The following RFX7 variants were observed in gnomAD, a reference collection of about 807,000 sequenced individuals.
RFX7 encodes the protein regulatory factor X7, also known as DNA-binding protein RFX7.
RFX7 carries 26 observed loss-of-function variants against 111.8 expected under a neutral mutation model. That is an observed-to-expected ratio of 0.23 (90% CI 0.17 to 0.32). The LOEUF (loss-of-function observed/expected upper bound fraction) is 0.32. Ranked by LOEUF, RFX7 falls within the 10% of genes least tolerant of loss-of-function variation. The pLI, the probability that RFX7 is intolerant of heterozygous loss-of-function variation, is 1.00. For missense variants in RFX7, 1,573 were observed against 1,772.9 expected (o/e 0.89, Z 2.02); for synonymous variants, 624 against 624.4 (o/e 1.00, Z 0.01).
chr15:56,093,369 A>C lies in RFX7; in HGVS notation c.4359T>G (p.His1453Gln). Residue 1453 changes from histidine to glutamine, a missense_variant, in exon 10 of 10, where the codon CAT becomes CAG. Physicochemically the swap from His to Gln is conservative, Grantham distance 24. Coordinates refer to ENST00000559447, the MANE Select transcript of RFX7 (RefSeq NM_022841.7). The stretch of plus-strand genomic sequence containing the variant: ...TTTAACCCAACATTTCAACAGTAGG[A>C]TGGTCCTTGCTTTCTATCCATTCAA... The part of the protein sequence containing the change: ...SGFEWIESKD[H>Q]PTVEMLG 3 of 1,611,898 alleles carry C rather than the reference A, an allele frequency of 1.9e-6. No homozygotes were observed. The highest frequency in any genetic ancestry group is 2.5e-6 in the Non-Finnish European group (3 of 1,178,848).
intron 5 of RFX7, among the ~76,000 whole-genome samples, chr15:56,140,234 T>G (rs2042371203): frequency 6.6e-6 from 1 of 152,188 alleles, no homozygotes; most frequent in East Asian, 1.9e-4. Context: ...GCCTTGCAGT[T>G]TGATCTCAGA....
Position 56,095,365 on chromosome 15 carries a change from T to A in RFX7, c.2363A>T (p.Asp788Val). 1.2e-6 allele frequency: 2 copies of A among 1,613,852 alleles called. No individual in the cohort carries two copies. Among genetic ancestry groups the A allele is most frequent in the Non-Finnish European group, 1.7e-6 (2 of 1,179,854 alleles). ...ACAACTGGCAGATATAAACTCAGAA[T>A]CTTTAGTGATTTGTTGCCATCCATT... is the stretch of plus-strand genomic sequence containing the variant. ...NPNGWQQITK[D>V]SEFISASCEQ... Residue 788 changes from aspartate to valine, a missense_variant, in exon 10 of 10, where the codon GAT (aspartate) becomes GTT (valine). This residue lies in a region of RFX7 where 625 missense variants were observed against 632.2 expected (regional missense o/e 0.99). Transcript: ENST00000559447.
intron 2 of RFX7, among the ~76,000 whole-genome samples, chr15:56,235,786 C>G (rs1216850273): frequency 2.0e-5 from 3 of 152,166 alleles, no homozygotes; most frequent in Admixed American, 1.3e-4. Flanking sequence ...ATTTGCTAAT[C>G]CCGTGTTGGA....
intron 3 of RFX7, among the ~76,000 whole-genome samples, chr15:56,158,932 G>T (rs2042686703): frequency 6.6e-6 from 1 of 152,136 alleles, no homozygotes. Context: ...GGGCACTACA[G>T]CTTATTCTTC....
chr15:56,226,868 T>C (rs1217819790), intron 2 of RFX7, among the ~76,000 whole-genome samples: 3 of 152,058 alleles, frequency 2.0e-5, no homozygotes, highest in Non-Finnish European at 4.4e-5. Flanking sequence ...CAAAGAAAGG[T>C]AGCACCCAAA....
intron 2 of RFX7, among the ~76,000 whole-genome samples, chr15:56,238,925 C>T (rs1293309478): frequency 6.6e-6 from 1 of 152,156 alleles, no homozygotes; most frequent in African/African-American, 2.4e-5. Flanking sequence ...CCTCCACCTC[C>T]TGGGTTCAAG....
Position 56,102,171 on chromosome 15 carries a change from C to T in RFX7, c.601G>A (p.Gly201Arg), listed in dbSNP as rs2041762554. The T allele has an allele frequency of 1.2e-6, 2 of 1,606,810 alleles. No individual in the cohort carries two copies. The highest frequency in any genetic ancestry group is 8.5e-7 in the Non-Finnish European group (1 of 1,175,150). The change falls in exon 7 of 10, where the codon GGG (glycine) becomes AGG (arginine). Residue 201 changes from glycine to arginine, a missense_variant and splice_region_variant. Transcript: ENST00000559447. Reference protein sequence around the residue: ...PNLDFHKTGDGLEGAEPSGQL... With the variant: ...PNLDFHKTGDRLEGAEPSGQL... ...AAAAGAAAAGGCTGAATTCTTACCC[C>T]ATCTCCAGTTTTGTGAAAGTCAAGG... is the stretch of plus-strand genomic sequence containing the variant.
intron 5 of RFX7, among the ~76,000 whole-genome samples, chr15:56,123,360 T>C (rs112805400): frequency 1.3e-5 from 2 of 152,144 alleles, no homozygotes; most frequent in Non-Finnish European, 2.9e-5. Context: ...GAAATGTCAT[T>C]TGGGAGCTAG....
Position 56,087,625 on chromosome 15 carries a change from T to C in RFX7, c.*5720A>G. The C allele has an allele frequency of 2.2e-6, 1 of 450,868 alleles. No homozygotes were observed. The highest frequency in any genetic ancestry group is 4.5e-6 in the Non-Finnish European group (1 of 223,486). 27.9% of individuals were successfully genotyped at this position (450,868 alleles called of 1,614,324 possible). ...GCAGCCTTTTGGTCAGATGGCTGTGTGCTCAGCTAAAAATCAAGGACTTTT... is the reference window on the plus strand; with the variant it reads ...GCAGCCTTTTGGTCAGATGGCTGTGCGCTCAGCTAAAAATCAAGGACTTTT... On this transcript the variant is annotated 3_prime_UTR_variant, in exon 10 of 10. Coordinates refer to ENST00000559447, the MANE Select transcript of RFX7 (RefSeq NM_022841.7).
At chr15:56,235,469 A>G (rs1264386714) in intron 2 of RFX7, among the ~76,000 whole-genome samples, 1 of 152,110 alleles carries the variant, frequency 6.6e-6, no homozygotes. Flanking sequence ...CTACTTGACA[A>G]TACAGGTGCT....
chr15:56,165,108 A>G (rs1159472600), intron 3 of RFX7, among the ~76,000 whole-genome samples: 1 of 152,118 alleles, frequency 6.6e-6, no homozygotes, highest in Non-Finnish European at 1.5e-5. Context: ...TCAGGTCACA[A>G]TAGGGTTTGT....
chr15:56,168,256 A>T (rs929623741), intron 3 of RFX7, among the ~76,000 whole-genome samples: 1 of 152,212 alleles, frequency 6.6e-6, no homozygotes, highest in Non-Finnish European at 1.5e-5. Flanking sequence ...TGTCTGCCTC[A>T]TAGTAATTAA....
In RFX7 at chr15:56,121,271, A is replaced by G. The variant is rs570515055; in HGVS notation, c.402-17601T>C. Among the ~76,000 whole-genome samples, 3 of 152,294 alleles carry G rather than the reference A, an allele frequency of 2.0e-5. No homozygotes were observed. In the South Asian group the frequency reaches 6.2e-4, roughly 32 times the overall value. ...ACTGGGTATACTATTCTAGGGTAAA[A>G]TATTTTTCCCTTCAGCACTTCAGAT... On this transcript the variant is annotated intron_variant, in intron 5 of 9. Coordinates refer to ENST00000559447, the MANE Select transcript of RFX7 (RefSeq NM_022841.7).
In RFX7 at chr15:56,090,674, C is replaced by T. The variant is rs2041585362; in HGVS notation, c.*2671G>A. The T allele has an allele frequency of 6.6e-6, 1 of 152,526 alleles. No homozygotes were observed. Among genetic ancestry groups the T allele is most frequent in the Non-Finnish European group, 1.5e-5 (1 of 68,002 alleles). 9.4% of individuals were successfully genotyped at this position (152,526 alleles called of 1,614,324 possible). Reference sequence around the variant, plus strand: ...TCAGCAGGTACAACAGACAACAAAACACTGGGGAAATCTGACTTTTTGCAC... The same window carrying T: ...TCAGCAGGTACAACAGACAACAAAATACTGGGGAAATCTGACTTTTTGCAC... On this transcript the variant is annotated 3_prime_UTR_variant, in exon 10 of 10. Transcript: ENST00000559447.
In RFX7 at chr15:56,088,454, T is replaced by C. The variant is rs964449107; in HGVS notation, c.*4891A>G. On this transcript the variant is annotated 3_prime_UTR_variant, in exon 10 of 10. Transcript: ENST00000559447. ...AGTAATATCACTCTCATGATATATT[T>C]TATTTATATGACTCTCTTCTCCTCT... 8 of 152,190 alleles carry C rather than the reference T, an allele frequency of 5.3e-5. No individual in the cohort carries two copies. Among genetic ancestry groups the C allele is most frequent in the African/African-American group, 1.9e-4 (8 of 41,454 alleles). 9.4% of individuals were successfully genotyped at this position (152,190 alleles called of 1,614,324 possible).
chr15:56,135,854 A>G (rs2042294436), intron 5 of RFX7, among the ~76,000 whole-genome samples: 2 of 151,966 alleles, frequency 1.3e-5, no homozygotes. Flanking sequence ...TTTTCCCAGT[A>G]CCATTTATTA....
intron 2 of RFX7, among the ~76,000 whole-genome samples, chr15:56,231,970 C>G (rs1389714948): frequency 6.6e-6 from 1 of 152,212 alleles, no homozygotes; most frequent in African/African-American, 2.4e-5. Flanking sequence ...GTCTCACATC[C>G]AGGTCACACT....
intron 2 of RFX7, among the ~76,000 whole-genome samples, chr15:56,239,984 C>CT (rs5812831): frequency 0.33 from 39,546 of 120,128 alleles, 7,006 homozygotes; most frequent in Non-Finnish European, 0.41. Context: ...TTTGGTATTT[C>CT]TTTTTTTTTT....
chr15:56,112,713 ACAAC>A (rs1436824535), intron 5 of RFX7, among the ~76,000 whole-genome samples: 7 of 152,202 alleles, frequency 4.6e-5, no homozygotes, highest in Admixed American at 1.3e-4. Context: ...GAGCGAACAG[ACAAC>A]CAACCTATAG....
Sources: gnomAD v4.1 joint callset for allele counts (sites outside exome capture counted in the v4.1 genomes callset) on GRCh38, gnomAD v4.1.1 for gene constraint, gnomAD v4.1.1 regional missense constraint, MANE v1.5 for transcripts, NCBI Gene and HGNC (gene_info 2026-07-23, HGNC 2026-07-21) for gene names.